The following CA5A variants were observed in gnomAD, a reference collection of about 807,000 sequenced individuals.
CA5A encodes the protein carbonic anhydrase 5A, mitochondrial.
In CA5A, 28 loss-of-function variants were observed where a neutral mutation model predicts 37.1. The ratio of observed to expected loss-of-function variants is 0.75; its 90% confidence interval spans 0.56 to 1.03. The LOEUF is 1.03. Among genes scored for constraint, CA5A ranks in the 50% least tolerant of loss-of-function variants. The pLI is 0.00. For missense variants in CA5A, 444 were observed against 399.9 expected (o/e 1.11, Z -0.94); for synonymous variants, 171 against 158.4 (o/e 1.08, Z -0.60).
At chr16:87,904,694 C>A in intron 3 of CA5A, 92 bp downstream of exon 3, 1 of 773,462 alleles carries the variant, frequency 1.3e-6, no homozygotes, top group South Asian at 1.7e-5. Flanking sequence ...TCCTTCACAT[C>A]TGAGCGGCGC....
chr16:87,899,907 G>A (rs1397091664), intron 5 of CA5A, among the ~76,000 whole-genome samples: 4 of 107,596 alleles, frequency 3.7e-5, no homozygotes, highest in African/African-American at 1.1e-4. Context: ...GCAACAGAGC[G>A]AGATTTTATC....
At chr16:87,927,084 G>A in intron 1 of CA5A, 139 bp from the exon 2 acceptor site, 1 of 638,144 alleles carries the variant, frequency 1.6e-6, no homozygotes, top group South Asian at 1.9e-5. Flanking sequence ...ACGGGCGCGT[G>A]GGGGCCCCTG....
At chr16:87,927,733 C>T (rs1473999890) in intron 1 of CA5A, among the ~76,000 whole-genome samples, 1 of 151,870 alleles carries the variant, frequency 6.6e-6, no homozygotes, top group African/African-American at 2.4e-5. Flanking sequence ...TGGTGGCGGG[C>T]GCCTGTAATC....
chr16:87,912,870 G>C (rs1209117043), intron 2 of CA5A, among the ~76,000 whole-genome samples: 2 of 152,260 alleles, frequency 1.3e-5, no homozygotes, highest in African/African-American at 2.4e-5. Flanking sequence ...GGAACAGGCG[G>C]AAGCACCAGC....
intron 2 of CA5A, among the ~76,000 whole-genome samples, chr16:87,925,924 T>C (rs1359509834): frequency 2.0e-5 from 3 of 152,082 alleles, no homozygotes; most frequent in Non-Finnish European, 2.9e-5. Context: ...GTGGGATGCA[T>C]TTAAAAGGTC....
intron 2 of CA5A, among the ~76,000 whole-genome samples, chr16:87,920,590 G>A (rs112755173): frequency 2.0e-5 from 3 of 151,926 alleles, no homozygotes; most frequent in East Asian, 2.0e-4. Context: ...GATTACAGGC[G>A]TGAGCTACTG....
At chr16:87,936,265 A>T (rs2056469467) in intron 1 of CA5A, 44 bp downstream of exon 1, 1 of 1,418,666 alleles carries the variant, frequency 7.0e-7, no homozygotes, top group Non-Finnish European at 1.0e-6. Flanking sequence ...ATCAGCTAAG[A>T]CAAGGATCCA....
intron 1 of CA5A, among the ~76,000 whole-genome samples, chr16:87,930,593 C>T (rs756909767): frequency 3.9e-5 from 6 of 152,040 alleles, no homozygotes; most frequent in Non-Finnish European, 2.9e-5. Flanking sequence ...CTGTGGGCAA[C>T]GGGCCCTCCC....
At position 87,902,418 on chromosome 16, in the gene CA5A, T is replaced by A; in HGVS notation, c.555+7A>T. ...TTCATTAGATCTACACCCGAGCAAG[T>A]GATTACCTTTAAAAACACGCCTATC... On this transcript the variant is annotated splice_region_variant and intron_variant, in intron 4 of 6. Transcript: ENST00000649794. 1.3e-6 allele frequency: 2 copies of A among 1,564,508 alleles called. No homozygotes were observed. Among genetic ancestry groups the A allele is most frequent in the South Asian group, 2.2e-5 (2 of 90,042 alleles).
At chr16:87,885,205 CA>C (rs753780912), downstream of CA5A, 27 of 168,996 alleles carry the variant, frequency 1.6e-4, no homozygotes, top group South Asian at 4.5e-4. Flanking sequence ...ACAACAACAA[CA>C]AAAAAAAGAG....
exon 5 of CA5A, chr16:87,881,646 C>G (rs1454495306): frequency 1.3e-5 from 2 of 152,198 alleles, no homozygotes; most frequent in African/African-American, 2.4e-5. Context: ...TTCTACAATA[C>G]AATCAGAAGC....
intron 1 of CA5A, among the ~76,000 whole-genome samples, chr16:87,932,745 C>T (rs1161080576): frequency 3.9e-5 from 6 of 152,030 alleles, no homozygotes; most frequent in East Asian, 3.9e-4. Flanking sequence ...TTCACACGGG[C>T]GCAGTCTGGA....
At chr16:87,916,193 C>T (rs993630245) in intron 2 of CA5A, among the ~76,000 whole-genome samples, 18 of 148,718 alleles carry the variant, frequency 1.2e-4, no homozygotes, top group African/African-American at 4.6e-4. Flanking sequence ...AAAAAACCAT[C>T]GGATTGGCTG....
intron 2 of CA5A, among the ~76,000 whole-genome samples, chr16:87,914,517 G>C (rs2056102274): frequency 6.6e-6 from 1 of 152,182 alleles, no homozygotes; most frequent in South Asian, 2.1e-4. Context: ...CTGAGGAACT[G>C]GGGTGGGAGG....
At chr16:87,894,935 C>A (rs1201227015) in intron 5 of CA5A, among the ~76,000 whole-genome samples, 1 of 152,116 alleles carries the variant, frequency 6.6e-6, no homozygotes, top group African/African-American at 2.4e-5. Context: ...AATTCACATA[C>A]CATGCAACTC....
At chr16:87,904,969 G>A in intron 2 of CA5A, 65 bp from the exon 3 acceptor site, 1 of 1,003,028 alleles carries the variant, frequency 1.0e-6, no homozygotes, top group Non-Finnish European at 1.6e-6. Flanking sequence ...GGTGTTACCT[G>A]AGGCATTGTC....
At chr16:87,901,360 T>C (rs182165884) in intron 5 of CA5A, among the ~76,000 whole-genome samples, 2 of 152,356 alleles carry the variant, frequency 1.3e-5, no homozygotes, top group African/African-American at 4.8e-5. Context: ...CTCAACACCC[T>C]TATTTTATGG....
chr16:87,931,610 C>G (rs763536176), intron 1 of CA5A, among the ~76,000 whole-genome samples: 2 of 152,194 alleles, frequency 1.3e-5, no homozygotes, highest in Admixed American at 6.5e-5. Context: ...AGAAGATAAG[C>G]TCGCTGGCGC....
downstream of CA5A, chr16:87,887,846 C>T (rs1431952921): frequency 6.1e-6 from 2 of 325,370 alleles, no homozygotes; most frequent in African/African-American, 2.1e-5. Context: ...GAATCAATCT[C>T]CATTGTTTTA....
Sources: allele counts gnomAD v4.1 joint callset (sites outside exome capture counted in the v4.1 genomes callset), GRCh38; gene constraint gnomAD v4.1.1; transcripts MANE v1.5; gene names NCBI Gene and HGNC (gene_info 2026-07-23, HGNC 2026-07-21).